ZNF318: variants seen among roughly 807,000 people sequenced by gnomAD.
ZNF318 encodes the protein endocrine regulator.
In ZNF318, 51 loss-of-function variants were observed where a neutral mutation model predicts 124.2. That is an observed-to-expected ratio of 0.41 (90% CI 0.33 to 0.52). ZNF318 has a LOEUF of 0.52. Among genes scored for constraint, ZNF318 ranks in the 20% least tolerant of loss-of-function variants. The pLI is 0.23. For synonymous variants in ZNF318, 1,090 were observed against 1,040.7 expected, an observed-to-expected ratio of 1.05 and a Z score of -0.91; for missense variants, 2,815 against 2,811.2, an observed-to-expected ratio of 1.00 and a Z score of -0.03.
intron 5 of ZNF318, 93 bp from the exon 6 acceptor site, chr6:43,348,718 T>C: frequency 7.1e-7 from 1 of 1,406,544 alleles, no homozygotes; most frequent in South Asian, 1.4e-5. Context: ...GCTTTATGGT[T>C]ACAAAGTCTT....
At chr6:43,345,743 A>T (rs1581641454) in intron 6 of ZNF318, among the ~76,000 whole-genome samples, 1 of 152,198 alleles carries the variant, frequency 6.6e-6, no homozygotes, top group East Asian at 1.9e-4. Flanking sequence ...TCTCAATATT[A>T]ACTGAGGATG....
intron 6 of ZNF318, among the ~76,000 whole-genome samples, chr6:43,345,361 C>T (rs1202009035): frequency 6.6e-6 from 1 of 151,648 alleles, no homozygotes; most frequent in Non-Finnish European, 1.5e-5. Context: ...ACCAACTATA[C>T]ATTTTAAAGA....
At chr6:43,363,748 G>A (rs1007213830) in intron 2 of ZNF318, 26 of 621,316 alleles carry the variant, frequency 4.2e-5, no homozygotes, top group Non-Finnish European at 5.6e-5. Context: ...GATTATGCCA[G>A]TGCAGAAGCA....
chr6:43,338,828 G>A lies in ZNF318; in HGVS notation c.5170C>T (p.Pro1724Ser). 1.2e-6 allele frequency: 2 copies of A among 1,614,078 alleles called. No individual in the cohort carries two copies. The highest frequency in any genetic ancestry group is 1.7e-6 in the Non-Finnish European group (2 of 1,180,026). ...PEKSELDLGE[P>S]GPPGVEPPPQ... Reference sequence around the variant, plus strand: ...GGTGGTTCTACACCAGGTGGTCCTGGCTCTCCCAGGTCAAGCTCACTCTTC... The same window carrying A: ...GGTGGTTCTACACCAGGTGGTCCTGACTCTCCCAGGTCAAGCTCACTCTTC... Residue 1724 changes from proline to serine, a missense_variant, in exon 10 of 10, where the codon CCA becomes TCA. By Grantham distance (74) the Pro-to-Ser change is moderately conservative (BLOSUM62 -1). Transcript: ENST00000361428.
chr6:43,338,660 C>T lies in ZNF318; in HGVS notation c.5338G>A (p.Glu1780Lys). The change falls in exon 10 of 10, where the codon GAA (glutamate) becomes AAA (lysine). Residue 1780 changes from glutamate to lysine, a missense_variant. By Grantham distance (56) the Glu-to-Lys change is moderately conservative (BLOSUM62 1). This residue lies in a region of ZNF318 where 927 missense variants were observed against 820.6 expected (regional missense o/e 1.13). Coordinates refer to ENST00000361428, the MANE Select transcript of ZNF318 (RefSeq NM_014345.3). ...CRESEIETNT[E>K]LKERVKELSE... is the part of the protein sequence containing the mutation. The stretch of plus-strand genomic sequence containing the variant: ...AGCTCCTTTACCCTTTCTTTTAGTT[C>T]AGTGTTTGTCTCTATCTCACTTTCT... The T allele has an allele frequency of 6.2e-7, 1 of 1,614,160 alleles. No homozygotes were observed. The highest frequency in any genetic ancestry group is 1.7e-5 in the Admixed American group (1 of 60,018).
chr6:43,351,747 C>T (rs982995872), intron 5 of ZNF318, among the ~76,000 whole-genome samples: 1 of 148,866 alleles, frequency 6.7e-6, no homozygotes, highest in Admixed American at 6.7e-5. Flanking sequence ...GGCAACAGAG[C>T]GAGGCTCCAT....
intron 7 of ZNF318, 52 bp from the exon 8 acceptor site, chr6:43,342,263 C>A: frequency 7.0e-7 from 1 of 1,428,210 alleles, no homozygotes; most frequent in South Asian, 1.3e-5. Context: ...AGCTCAATGA[C>A]CCACTTTTCT....
At chr6:43,358,861 A>G (rs1431564643) in intron 2 of ZNF318, among the ~76,000 whole-genome samples, 1 of 151,950 alleles carries the variant, frequency 6.6e-6, no homozygotes, top group African/African-American at 2.4e-5. Context: ...TGGCTCAGAT[A>G]AATGGTTTTA....
Position 43,342,828 on chromosome 6 carries a change from C to T in ZNF318, c.3124G>A (p.Glu1042Lys), listed in dbSNP as rs753398202. The T allele has an allele frequency of 1.4e-5, 22 of 1,613,928 alleles. No homozygotes were observed. The highest frequency in any genetic ancestry group is 1.8e-5 in the Non-Finnish European group (21 of 1,179,972). Residue 1042 changes from glutamate to lysine, a missense_variant, in exon 7 of 10, where the codon GAA becomes AAA. Transcript: ENST00000361428. Reference sequence around the variant, plus strand: ...TGCTTAGTGGCTGACTGGGGGCTTTCGGCAGGCTTGGGGCTCTTAGTACGA... The same window carrying T: ...TGCTTAGTGGCTGACTGGGGGCTTTTGGCAGGCTTGGGGCTCTTAGTACGA... ...KFRTKSPKPA[E>K]SPQSATKQLD...
In ZNF318 at chr6:43,338,026, A is replaced by G. The variant is rs754597532; in HGVS notation, c.5972T>C (p.Val1991Ala). 17 of 1,614,014 alleles carry G rather than the reference A, an allele frequency of 1.1e-5. No individual in the cohort carries two copies. Among genetic ancestry groups the G allele is most frequent in the Non-Finnish European group, 1.4e-5 (17 of 1,180,010 alleles). ...TTCTAGGGCCTTGCTTTCTATTGTCACTGTTAACTCTGGATGGACATCTTG... is the reference window on the plus strand; with the variant it reads ...TTCTAGGGCCTTGCTTTCTATTGTCGCTGTTAACTCTGGATGGACATCTTG... The part of the protein sequence containing the change: ...ELQDVHPELT[V>A]TIESKALEDF... Residue 1991 changes from valine to alanine, a missense_variant, in exon 10 of 10, where the codon GTG becomes GCG. Around this residue, in one of 4 missense-constraint regions of ZNF318, gnomAD observed 927 missense variants for 820.6 expected, o/e 1.13. Coordinates refer to ENST00000361428, the MANE Select transcript of ZNF318 (RefSeq NM_014345.3).
In ZNF318 at chr6:43,354,670, C is replaced by T. The variant is rs1779578102; in HGVS notation, c.2664G>A (p.Lys888=). 1 of 1,598,096 alleles carries T rather than the reference C, an allele frequency of 6.3e-7. No homozygotes were observed. The highest frequency in any genetic ancestry group is 8.5e-7 in the Non-Finnish European group (1 of 1,170,294). ...ISDEKNRASQ[K]QKVIEEREKL... ...ACCCAAAGCTAATATTCACCTTTTG[C>T]TTCTGGGAAGCACGGTTCTTCTCAT... The change falls in exon 4 of 10, where the codon AAG becomes AAA. Residue 888 remains lysine, a synonymous_variant. Transcript: ENST00000361428.
Position 43,342,659 on chromosome 6 carries a change from G to A in ZNF318, c.3276+17C>T. ...AGTGAGGGTGGGAGTGAAAATAACA[G>A]AGAGTAGGATACCAACCTGTGTGTG... On this transcript the variant is annotated intron_variant, in intron 7 of 9. Transcript: ENST00000361428. The A allele has an allele frequency of 1.2e-6, 2 of 1,613,022 alleles. No individual in the cohort carries two copies. The highest frequency in any genetic ancestry group is 3.3e-5 in the Admixed American group (2 of 60,012).
At position 43,338,243 on chromosome 6, in the gene ZNF318, CCTCA is replaced by C. The variant is rs747256594; in HGVS notation, c.5751_5754del (p.Ser1917ArgfsTer4). 6.2e-7 allele frequency: 1 copy of C among 1,614,146 alleles called. No individual in the cohort carries two copies. Among genetic ancestry groups the C allele is most frequent in the Non-Finnish European group, 8.5e-7 (1 of 1,180,028 alleles). ...TCTGGAGCTGAATTCTCTAGCCCCT[CCTCA>C]CTAACAACTGAAACTCCTTGCTCTT... On this transcript the variant is annotated frameshift_variant, in exon 10 of 10. Transcript: ENST00000361428. LOFTEE classifies it low-confidence loss of function (END_TRUNC).
chr6:43,344,217 AGGGGATGG>A (rs1018779453), intron 6 of ZNF318, among the ~76,000 whole-genome samples: 1 of 152,214 alleles, frequency 6.6e-6, no homozygotes, highest in Non-Finnish European at 1.5e-5. Flanking sequence ...CCAGACAGGC[AGGGGATGG>A]GAGAGTTCAT....
At chr6:43,368,507 G>C (rs1038849831) in intron 1 of ZNF318, among the ~76,000 whole-genome samples, 1 of 152,186 alleles carries the variant, frequency 6.6e-6, no homozygotes, top group African/African-American at 2.4e-5. Context: ...CACTCTAGAC[G>C]TAAAGCCTGG....
intron 2 of ZNF318, among the ~76,000 whole-genome samples, chr6:43,361,914 G>A (rs1388498961): frequency 6.6e-6 from 1 of 152,144 alleles, no homozygotes. Context: ...CCATCACTTT[G>A]GGAGGCTGAG....
Position 43,369,214 on chromosome 6 carries a change from C to T in ZNF318, c.152G>A (p.Arg51Gln), listed in dbSNP as rs1445814969. Residue 51 changes from arginine (R) to glutamine (Q), a missense_variant, in exon 1 of 10, where the codon CGG becomes CAG. Arg to Gln is a conservative substitution (Grantham distance 43). This residue lies in a region of ZNF318 where 1,377 missense variants were observed against 1,353.5 expected (regional missense o/e 1.02). Transcript: ENST00000361428. ...CGAGCGGGGTCGGCGAGCCGGGGTC[C>T]GCGACGAGGAGCCGGAGGGCGGAGG... ...PPPPPSGSSSRTPARRPRSPS... is the reference protein window; with the variant it reads ...PPPPPSGSSSQTPARRPRSPS... 20 of 1,213,758 alleles carry T rather than the reference C, an allele frequency of 1.6e-5. 1 individual carries two copies. The Middle Eastern group carries it at 3.9e-3, about 238-fold the overall frequency. The allele number at this position is 1,213,758 out of a possible 1,614,324, so 75.2% of individuals were successfully genotyped here.
intron 4 of ZNF318, among the ~76,000 whole-genome samples, chr6:43,353,534 C>T (rs993437740): frequency 3.0e-4 from 46 of 152,046 alleles, no homozygotes; most frequent in Non-Finnish European, 7.4e-5. Context: ...GCCACCACAC[C>T]CGGCTAATTT....
intron 1 of ZNF318, among the ~76,000 whole-genome samples, chr6:43,366,696 C>T (rs1562137900): frequency 6.6e-6 from 1 of 152,156 alleles, no homozygotes. Context: ...GTCCCAGCTA[C>T]TCAGGATGCT....
Sources: allele counts gnomAD v4.1 joint callset (sites outside exome capture counted in the v4.1 genomes callset), GRCh38; gene constraint gnomAD v4.1.1; regional missense constraint gnomAD v4.1.1; transcripts MANE v1.5; gene names NCBI Gene and HGNC (gene_info 2026-07-23, HGNC 2026-07-21).